The following BAZ1B variants were observed in gnomAD, a reference collection of about 807,000 sequenced individuals.
BAZ1B encodes the protein tyrosine-protein kinase BAZ1B.
In BAZ1B, 22 loss-of-function variants were observed where a neutral mutation model predicts 153.8. The observed-to-expected ratio is 0.14, with a 90% confidence interval of 0.10 to 0.20. The LOEUF (loss-of-function observed/expected upper bound fraction) is 0.20. Ranked by LOEUF, BAZ1B falls within the 10% of genes least tolerant of loss-of-function variation. The probability of loss-of-function intolerance (pLI) is 1.00; values close to 1 mark genes in which losing one functional copy is unlikely to be tolerated. For missense variants in BAZ1B, 1,325 were observed against 1,799.3 expected (o/e 0.74, Z 4.77); for synonymous variants, 676 against 633.4 (o/e 1.07, Z -1.01).
rs782577282 is a variant in BAZ1B at position 73,444,002 on chromosome 7, A to C, written c.3972T>G (p.Asp1324Glu). ...RSQPKAPPVD[D>E]AEVDELVLQT... ...TTCTCACCAGCTCATCCACCTCAGC[A>C]TCATCCACAGGTGGTGCCTTGGGCT... Residue 1324 changes from aspartate to glutamate, a missense_variant, in exon 17 of 20, where the codon GAT becomes GAG. Asp to Glu is a conservative substitution (Grantham distance 45). This residue lies in a region of BAZ1B where 271 missense variants were observed against 337.2 expected (regional missense o/e 0.80). Transcript: ENST00000339594. 1.2e-6 allele frequency: 2 copies of C among 1,613,598 alleles called. No homozygotes were observed. The highest frequency in any genetic ancestry group is 4.5e-5 in the East Asian group (2 of 44,824).
At chr7:73,516,697 G>T (rs1218731571) in intron 1 of BAZ1B, among the ~76,000 whole-genome samples, 1 of 129,772 alleles carries the variant, frequency 7.7e-6, no homozygotes, top group African/African-American at 2.9e-5. Flanking sequence ...ATTGCTCGAA[G>T]TTGGGAGGCG....
At chr7:73,467,543 T>C (rs1788641369) in intron 9 of BAZ1B, among the ~76,000 whole-genome samples, 1 of 152,038 alleles carries the variant, frequency 6.6e-6, no homozygotes, top group African/African-American at 2.4e-5. Flanking sequence ...CTAATTTTTG[T>C]GTTTTTTGTA....
At chr7:73,490,716 C>T (rs1182861473) in intron 5 of BAZ1B, among the ~76,000 whole-genome samples, 1 of 151,910 alleles carries the variant, frequency 6.6e-6, no homozygotes, top group Non-Finnish European at 1.5e-5. Context: ...AGCTATTCTC[C>T]TGCCTCAGCC....
intron 6 of BAZ1B, 63 bp downstream of exon 6, chr7:73,489,129 TAC>T (rs1554574979): frequency 2.0e-6 from 3 of 1,494,944 alleles, no homozygotes; most frequent in Non-Finnish European, 2.8e-6. Flanking sequence ...AATATAAATA[TAC>T]TGGAGCCATC....
chr7:73,515,054 A>G (rs1435314743), intron 1 of BAZ1B, among the ~76,000 whole-genome samples: 1 of 152,176 alleles, frequency 6.6e-6, no homozygotes, highest in Non-Finnish European at 1.5e-5. Context: ...CCTGGATGAC[A>G]GAGTGAGAAT....
At chr7:73,493,579 G>A (rs140770660) in intron 4 of BAZ1B, among the ~76,000 whole-genome samples, 1,911 of 152,158 alleles carry the variant, frequency 0.013, 42 homozygotes, top group African/African-American at 0.044. Context: ...GGTAGTTCAC[G>A]CCTGTAATCC....
rs367877940 is a variant in BAZ1B, at chr7:73,467,362, AATTT to A, written c.2867-965_2867-962del. Among the ~76,000 whole-genome samples the A allele has an allele frequency of 2.0e-4, 31 of 151,642 alleles. No individual in the cohort carries two copies. The East Asian group carries it at 2.9e-3, about 14-fold the overall frequency. The stretch of plus-strand genomic sequence containing the variant: ...CTTTGTTTAGTCTTTTCAATTGGGT[AATTT>A]ATTTATTTTTTTTAATTTTTTGAGA... On this transcript the variant is annotated intron_variant, in intron 9 of 19. Coordinates refer to ENST00000339594, the MANE Select transcript of BAZ1B (RefSeq NM_032408.4).
At chr7:73,451,268 C>A (rs1554568119) in intron 13 of BAZ1B, among the ~76,000 whole-genome samples, 1 of 152,178 alleles carries the variant, frequency 6.6e-6, no homozygotes, top group African/African-American at 2.4e-5. Flanking sequence ...ATAGGATCAC[C>A]TGTATGCTGT....
At chr7:73,510,398 C>T (rs1554578414) in intron 2 of BAZ1B, among the ~76,000 whole-genome samples, 1 of 152,122 alleles carries the variant, frequency 6.6e-6, no homozygotes, top group Admixed American at 6.6e-5. Context: ...CACTGCACTC[C>T]AGCCTGGGCG....
At chr7:73,457,343 A>C (rs1189787612) in intron 13 of BAZ1B, among the ~76,000 whole-genome samples, 1 of 151,600 alleles carries the variant, frequency 6.6e-6, no homozygotes, top group Non-Finnish European at 1.5e-5. Context: ...ACGCCTGGCT[A>C]ATTTTTGTAT....
At chr7:73,476,422 C>T (rs1267774846) in intron 7 of BAZ1B, among the ~76,000 whole-genome samples, 7 of 152,084 alleles carry the variant, frequency 4.6e-5, no homozygotes, top group South Asian at 2.1e-4. Context: ...AGTTGGTGAC[C>T]GTGCTAGGGG....
chr7:73,521,307 G>T (rs1554580143), intron 1 of BAZ1B, among the ~76,000 whole-genome samples: 1 of 152,000 alleles, frequency 6.6e-6, no homozygotes, highest in African/African-American at 2.4e-5. Flanking sequence ...CTCGGGAGAC[G>T]AAAAAAACGC....
At chr7:73,476,692 C>T (rs1381996360) in intron 7 of BAZ1B, among the ~76,000 whole-genome samples, 176 bp downstream of exon 7, 1 of 152,176 alleles carries the variant, frequency 6.6e-6, no homozygotes, top group Non-Finnish European at 1.5e-5. Flanking sequence ...AACACTCCAG[C>T]TGAAATATGA....
At chr7:73,463,693 A>G (rs1422523825) in intron 11 of BAZ1B, among the ~76,000 whole-genome samples, 6 of 150,620 alleles carry the variant, frequency 4.0e-5, no homozygotes, top group Non-Finnish European at 4.4e-5. Context: ...GTATACCGAC[A>G]TTTTCCTTTG....
intron 6 of BAZ1B, among the ~76,000 whole-genome samples, chr7:73,487,825 A>C (rs1554574659): frequency 6.6e-6 from 1 of 152,240 alleles, no homozygotes; most frequent in African/African-American, 2.4e-5. Context: ...AAAGCCAATT[A>C]CTTTCTAAAT....
chr7:73,520,235 G>A (rs1183320848), intron 1 of BAZ1B, among the ~76,000 whole-genome samples: 1 of 151,362 alleles, frequency 6.6e-6, no homozygotes. Context: ...AAAAAAGTGG[G>A]GTACTTCGGT....
chr7:73,476,300 T>A (rs927284070), intron 7 of BAZ1B, among the ~76,000 whole-genome samples: 10 of 152,212 alleles, frequency 6.6e-5, no homozygotes, highest in Non-Finnish European at 1.3e-4. Context: ...CTAATTATAC[T>A]GTATGTCGAT....
At chr7:73,448,693 T>G (rs962553944) in intron 15 of BAZ1B, among the ~76,000 whole-genome samples, 10 of 152,168 alleles carry the variant, frequency 6.6e-5, no homozygotes, top group Admixed American at 6.6e-4. Context: ...TGTTCCCAGC[T>G]GGGAGAAAGG....
chr7:73,475,020 A>C (rs545215801), intron 7 of BAZ1B, among the ~76,000 whole-genome samples: 1 of 152,310 alleles, frequency 6.6e-6, no homozygotes, highest in South Asian at 2.1e-4. Context: ...CAAAACCACA[A>C]TGAGATACCA....
Sources: allele counts gnomAD v4.1 joint callset (sites outside exome capture counted in the v4.1 genomes callset), GRCh38; gene constraint gnomAD v4.1.1; regional missense constraint gnomAD v4.1.1; transcripts MANE v1.5; gene names NCBI Gene and HGNC (gene_info 2026-07-23, HGNC 2026-07-21).